KDSR: variants seen among roughly 807,000 people sequenced by gnomAD.
KDSR encodes 3-ketodihydrosphingosine reductase.
KDSR carries 23 observed loss-of-function variants against 41.3 expected under a neutral mutation model. That is an observed-to-expected ratio of 0.56 (90% CI 0.40 to 0.79). The LOEUF is 0.79. KDSR is among the 30% of genes least tolerant of loss of function. The pLI is 0.00. For synonymous variants in KDSR, 138 were observed against 151.7 expected (o/e 0.91, Z 0.66); for missense variants, 351 against 416.8 (o/e 0.84, Z 1.37).
chr18:63,339,464 T>A (rs1477014296), intron 7 of KDSR, among the ~76,000 whole-genome samples: 1 of 152,218 alleles, frequency 6.6e-6, no homozygotes, highest in East Asian at 1.9e-4. Context: ...AGGAGCCACT[T>A]AGGAGATAAC....
chr18:63,352,559 G>A (rs1214652962), intron 5 of KDSR, among the ~76,000 whole-genome samples: 1 of 151,988 alleles, frequency 6.6e-6, no homozygotes, highest in Non-Finnish European at 1.5e-5. Flanking sequence ...CAAGTGATCT[G>A]CCTGCCTCGG....
At chr18:63,350,066 G>C (rs542480378) in intron 6 of KDSR, among the ~76,000 whole-genome samples, 9 of 152,304 alleles carry the variant, frequency 5.9e-5, no homozygotes, top group Admixed American at 5.9e-4. Flanking sequence ...GCATCCACTG[G>C]GGGTCTTAGC....
intron 6 of KDSR, chr18:63,344,796 C>T (rs545560414): frequency 1.5e-5 from 4 of 266,944 alleles, no homozygotes; most frequent in South Asian, 8.7e-5. Context: ...AGCCGTCCGA[C>T]GAGGGCAGTG....
rs1913918505 is a variant in KDSR, at chr18:63,329,730, T to C, written c.*2052A>G. The C allele has an allele frequency of 5.2e-6, 1 of 193,142 alleles. No homozygotes were observed. Among genetic ancestry groups the C allele is most frequent in the Admixed American group, 6.1e-5 (1 of 16,398 alleles). 12.0% of individuals were successfully genotyped at this position (193,142 alleles called of 1,614,324 possible). ...TTGAAAAAATATATTGAAATAACTA[T>C]TTAATGTTATTAAATCAGACACTTT... On this transcript the variant is annotated 3_prime_UTR_variant, in exon 10 of 10. Coordinates refer to ENST00000645214, the MANE Select transcript of KDSR (RefSeq NM_002035.4).
At position 63,329,312 on chromosome 18, in the gene KDSR, T is replaced by G. The variant is rs1428219472; in HGVS notation, c.*2470A>C. On this transcript the variant is annotated 3_prime_UTR_variant, in exon 10 of 10. Transcript: ENST00000645214. ...AATATTACAAAACACCTCCACAGCA[T>G]CTAAGGGAAAACCTATAATCAAATC... is the stretch of plus-strand genomic sequence containing the variant. 4.8e-6 allele frequency: 1 copy of G among 206,888 alleles called. No homozygotes were observed. The highest frequency in any genetic ancestry group is 2.3e-5 in the African/African-American group (1 of 43,916). The allele number at this position is 206,888 out of a possible 1,614,324, so 12.8% of individuals were successfully genotyped here.
At position 63,331,839 on chromosome 18, in the gene KDSR, T is replaced by C; in HGVS notation, c.942A>G (p.Ile314Met). ...ALFYLGSFDS[I>M]VRRCMMQREK... The stretch of plus-strand genomic sequence containing the variant: ...CTCTCTGCATCATGCAGCGACGAAC[T>C]ATGCTGTCAAAACTTCCAAGGTAAA... Residue 314 changes from isoleucine (I) to methionine (M), a missense_variant, in exon 10 of 10, where the codon ATA (isoleucine) becomes ATG (methionine). Ile to Met is a conservative substitution (Grantham distance 10). Coordinates refer to ENST00000645214, the MANE Select transcript of KDSR (RefSeq NM_002035.4). The C allele has an allele frequency of 6.2e-7, 1 of 1,613,992 alleles. No individual in the cohort carries two copies. The highest frequency in any genetic ancestry group is 2.2e-5 in the East Asian group (1 of 44,892).
intron 7 of KDSR, 89 bp downstream of exon 7, chr18:63,344,321 G>A (rs1195443551): frequency 1.2e-6 from 1 of 853,326 alleles, no homozygotes; most frequent in Admixed American, 1.9e-5. Context: ...TTGTTGATTG[G>A]TGAAAACGAG....
At chr18:63,341,715 G>T (rs1435701826) in intron 7 of KDSR, among the ~76,000 whole-genome samples, 3 of 152,102 alleles carry the variant, frequency 2.0e-5, no homozygotes, top group African/African-American at 4.8e-5. Context: ...GGGACACAAG[G>T]TTTCCAAAAA....
At chr18:63,361,529 C>T (rs559960245) in intron 2 of KDSR, among the ~76,000 whole-genome samples, 2 of 151,916 alleles carry the variant, frequency 1.3e-5, no homozygotes, top group Admixed American at 6.6e-5. Context: ...AAGTTATAGA[C>T]GTCCAGGCCA....
intron 7 of KDSR, among the ~76,000 whole-genome samples, chr18:63,340,659 T>G (rs1011170432): frequency 6.6e-6 from 1 of 152,250 alleles, no homozygotes; most frequent in African/African-American, 2.4e-5. Flanking sequence ...GCAGTCATTT[T>G]ATATAAAAGA....
chr18:63,338,259 G>A (rs955245959), intron 8 of KDSR, among the ~76,000 whole-genome samples: 23 of 152,216 alleles, frequency 1.5e-4, no homozygotes, highest in African/African-American at 4.8e-4. Context: ...GCATTTTTCC[G>A]CATTAACAGA....
At chr18:63,339,956 AG>A in intron 7 of KDSR, among the ~76,000 whole-genome samples, 1 of 152,380 alleles carries the variant, frequency 6.6e-6, no homozygotes, top group Non-Finnish European at 1.5e-5. Context: ...ATAAAGATCA[AG>A]TATTTCTTAT....
chr18:63,346,714 T>G (rs940438542), intron 6 of KDSR: 4 of 152,212 alleles, frequency 2.6e-5, no homozygotes, highest in African/African-American at 9.7e-5. Flanking sequence ...TCTCCCAGTC[T>G]CTGGCTGGAT....
intron 4 of KDSR, 65 bp downstream of exon 4, chr18:63,355,433 C>CA: frequency 1.2e-6 from 2 of 1,611,634 alleles, no homozygotes; most frequent in South Asian, 1.1e-5. Context: ...AGCCACATAG[C>CA]AAAATGGCAA....
intron 2 of KDSR, among the ~76,000 whole-genome samples, chr18:63,361,271 C>G (rs1436685178): frequency 7.3e-6 from 1 of 137,240 alleles, no homozygotes; most frequent in Non-Finnish European, 1.5e-5. Flanking sequence ...GTTCTTCATT[C>G]AGTTCATTCA....
At chr18:63,334,618 G>A (rs1174038401) in intron 9 of KDSR, among the ~76,000 whole-genome samples, 1 of 152,070 alleles carries the variant, frequency 6.6e-6, no homozygotes, top group African/African-American at 2.4e-5. Flanking sequence ...CAAAGTGCTG[G>A]GATTACAGGC....
intron 5 of KDSR, among the ~76,000 whole-genome samples, chr18:63,353,389 T>G (rs1254979551): frequency 6.6e-6 from 1 of 152,138 alleles, no homozygotes; most frequent in Non-Finnish European, 1.5e-5. Context: ...GAGGGATAAC[T>G]AACTTAGCAG....
At chr18:63,338,491 A>C (rs1914249549) in intron 8 of KDSR, among the ~76,000 whole-genome samples, 1 of 152,248 alleles carries the variant, frequency 6.6e-6, no homozygotes, top group South Asian at 2.1e-4. Context: ...TATGGGACAT[A>C]GTATATATCG....
chr18:63,333,894 T>C lies in KDSR; in HGVS notation c.879+1363A>G, dbSNP rs370412468. 3.0e-4 allele frequency among the ~76,000 whole-genome samples: 46 copies of C among 152,082 alleles called. 1 individual carries two copies. Among genetic ancestry groups the C allele is most frequent in the African/African-American group, 7.5e-4 (31 of 41,478 alleles). ...GAATGGAAGAATGTGAAGAACTGAG[T>C]GACAAGGATGACAATGATCTCTGAC... On this transcript the variant is annotated intron_variant, in intron 9 of 9. Transcript: ENST00000645214.
Sources: allele counts gnomAD v4.1 joint callset (sites outside exome capture counted in the v4.1 genomes callset), GRCh38; gene constraint gnomAD v4.1.1; transcripts MANE v1.5; gene names NCBI Gene and HGNC (gene_info 2026-07-23, HGNC 2026-07-21).